Variants in HDAC9 observed in about 807,000 individuals in gnomAD.
HDAC9 encodes the protein histone deacetylase 9, also known as MEF-2 interacting transcription repressor (MITR) protein.
In HDAC9, 41 loss-of-function variants were observed where a neutral mutation model predicts 139.4. The observed-to-expected ratio is 0.29, with a 90% CI of 0.23 to 0.38. The LOEUF (loss-of-function observed/expected upper bound fraction) is 0.38. Among genes scored for constraint, HDAC9 ranks in the 10% least tolerant of loss-of-function variants. The pLI is 1.00. For missense variants in HDAC9, 1,147 were observed against 1,297.0 expected (o/e 0.88, Z 1.78); for synonymous variants, 517 against 476.2 (o/e 1.09, Z -1.12).
intron 14 of HDAC9, among the ~76,000 whole-genome samples, chr7:18,754,258 T>C (rs1788696611): frequency 6.6e-6 from 1 of 152,004 alleles, no homozygotes; most frequent in African/African-American, 2.4e-5. Flanking sequence ...GAGAAATGGA[T>C]CTGGAGGGGT....
intron 2 of HDAC9, among the ~76,000 whole-genome samples, chr7:18,270,974 A>G (rs62449117): frequency 3.0e-4 from 46 of 152,204 alleles, no homozygotes; most frequent in Non-Finnish European, 5.9e-4. Flanking sequence ...ATTTAGCATT[A>G]AAATTGATTC....
chr7:18,934,663 T>G (rs1322615648), intron 22 of HDAC9, among the ~76,000 whole-genome samples: 3 of 152,120 alleles, frequency 2.0e-5, no homozygotes, highest in Non-Finnish European at 2.9e-5. Context: ...TGCCACCCAC[T>G]TGGCAAACCA....
chr7:18,563,573 G>T (rs1821282428), intron 2 of HDAC9, among the ~76,000 whole-genome samples: 1 of 151,890 alleles, frequency 6.6e-6, no homozygotes, highest in African/African-American at 2.4e-5. Flanking sequence ...TGTATTTAAG[G>T]TGTTTAGCAC....
intron 25 of HDAC9, among the ~76,000 whole-genome samples, chr7:18,984,515 C>A (rs1647264617): frequency 6.6e-6 from 1 of 151,764 alleles, no homozygotes; most frequent in South Asian, 2.1e-4. Context: ...GGAGGAGGGG[C>A]CAGCATACTA....
intron 22 of HDAC9, among the ~76,000 whole-genome samples, chr7:18,881,432 G>A (rs2129255773): frequency 6.6e-6 from 1 of 152,148 alleles, no homozygotes; most frequent in East Asian, 1.9e-4. Context: ...TGGGTATGTA[G>A]CTCAAATACC....
At chr7:18,572,455 C>G (rs1824623646) in intron 2 of HDAC9, among the ~76,000 whole-genome samples, 1 of 151,286 alleles carries the variant, frequency 6.6e-6, no homozygotes, top group Admixed American at 6.6e-5. Context: ...AAGTATTTGT[C>G]TGTGACCTAG....
In HDAC9 at chr7:18,884,284, C is replaced by A. The variant is rs76777661; in HGVS notation, c.2803+9688C>A. Among the ~76,000 whole-genome samples the A allele has an allele frequency of 6.1e-3, 935 of 152,268 alleles. 5 individuals are homozygous for A. The highest frequency in any genetic ancestry group is 8.4e-3 in the Non-Finnish European group (570 of 68,012). On this transcript the variant is annotated intron_variant, in intron 22 of 25. Coordinates refer to ENST00000686413, the MANE Select transcript of HDAC9 (RefSeq NM_178425.4). Reference sequence around the variant, plus strand: ...CACAAAGCTGGAGGTACCATACTTTCCAATGTTAACAGCTACTGTGAAACT... The same window carrying A: ...CACAAAGCTGGAGGTACCATACTTTACAATGTTAACAGCTACTGTGAAACT...
At chr7:18,980,686 T>TTCTTCCTTCTTCC (rs1784853382) in intron 25 of HDAC9, among the ~76,000 whole-genome samples, 2 of 138,174 alleles carry the variant, frequency 1.4e-5, no homozygotes, top group African/African-American at 5.8e-5. Flanking sequence ...CTTGTTCTTC[T>TTCTTCCTTCTTCC]TGTTCTTCTT....
rs746089054 is a variant in HDAC9, at chr7:18,273,056, G to GTTTTT, written c.25+110730_25+110734dup. ...CCTCTTCCCCTTCTTCCCCTTCTTC[G>GTTTTT]TTTTTTTTTTTTTTTTTTTTTTTTT... On this transcript the variant is annotated intron_variant, in intron 2 of 12. Transcript: ENST00000417496. 5.8e-4 allele frequency among the ~76,000 whole-genome samples: 49 copies of GTTTTT among 84,770 alleles called. 6 individuals are homozygous for GTTTTT. The highest frequency in any genetic ancestry group is 7.5e-4 in the Non-Finnish European group (35 of 46,426). The allele number at this position is 84,770 out of a possible 152,430, so 55.6% of individuals were successfully genotyped here. A position where few individuals can be genotyped will look rare whatever the true frequency, so the allele number is the denominator to read the frequency against.
At chr7:18,852,286 T>C (rs948047213) in intron 21 of HDAC9, among the ~76,000 whole-genome samples, 3 of 152,122 alleles carry the variant, frequency 2.0e-5, no homozygotes, top group African/African-American at 7.2e-5. Flanking sequence ...GACCATGCAC[T>C]AGGAGAACAA....
At chr7:18,856,959 A>G (rs2129228737) in intron 21 of HDAC9, among the ~76,000 whole-genome samples, 1 of 152,268 alleles carries the variant, frequency 6.6e-6, no homozygotes, top group East Asian at 1.9e-4. Context: ...AGGAAATCAC[A>G]GTGCAGTTAT....
chr7:18,092,326 G>A (rs1782215478), intron 1 of HDAC9, among the ~76,000 whole-genome samples: 1 of 152,000 alleles, frequency 6.6e-6, no homozygotes, highest in Non-Finnish European at 1.5e-5. Flanking sequence ...GGAATTTGAG[G>A]CTACAGTAAG....
intron 22 of HDAC9, chr7:18,892,207 A>G (rs1056939039): frequency 3.3e-5 from 5 of 152,222 alleles, no homozygotes; most frequent in Non-Finnish European, 5.9e-5. Context: ...CGTCATCTGG[A>G]AAATGAAGTA....
At chr7:18,873,783 C>G (rs1290842743) in intron 21 of HDAC9, among the ~76,000 whole-genome samples, 1 of 152,026 alleles carries the variant, frequency 6.6e-6, no homozygotes, top group Non-Finnish European at 1.5e-5. Context: ...TCAAAGCTAG[C>G]AATGATGAGA....
intron 2 of HDAC9, among the ~76,000 whole-genome samples, chr7:18,167,475 G>T (rs989508918): frequency 3.3e-5 from 5 of 151,958 alleles, no homozygotes; most frequent in South Asian, 2.1e-4. Flanking sequence ...TTTCATTATT[G>T]TAACACTACA....
chr7:18,888,374 G>T (rs1800364338), intron 22 of HDAC9, among the ~76,000 whole-genome samples: 1 of 152,188 alleles, frequency 6.6e-6, no homozygotes, highest in African/African-American at 2.4e-5. Flanking sequence ...GCAGTGAGCC[G>T]AGAGCGTGTC....
At chr7:18,310,504 C>T (rs550275862) in intron 1 of HDAC9, among the ~76,000 whole-genome samples, 1 of 152,242 alleles carries the variant, frequency 6.6e-6, no homozygotes, top group East Asian at 1.9e-4. Context: ...ATGTACAAAT[C>T]AGAAATGCCA....
intron 14 of HDAC9, among the ~76,000 whole-genome samples, chr7:18,759,859 C>A (rs1347872143): frequency 6.6e-6 from 1 of 152,094 alleles, no homozygotes; most frequent in African/African-American, 2.4e-5. Flanking sequence ...GCATAGAGTG[C>A]ATGGTATGCA....
intron 2 of HDAC9, among the ~76,000 whole-genome samples, chr7:18,579,208 TG>T (rs1405630127): frequency 6.6e-6 from 1 of 152,060 alleles, no homozygotes; most frequent in Non-Finnish European, 1.5e-5. Context: ...AAAATGAAAA[TG>T]TTAATGAGAG....
Sources: gnomAD v4.1 joint callset for allele counts (sites outside exome capture counted in the v4.1 genomes callset) on GRCh38, gnomAD v4.1.1 for gene constraint, MANE v1.5 for transcripts, NCBI Gene and HGNC (gene_info 2026-07-23, HGNC 2026-07-21) for gene names.